Variants in BEND3 observed in about 807,000 individuals in gnomAD.
BEND3 encodes BEN domain containing 3.
A neutral mutation model predicts 60.1 loss-of-function variants in BEND3; 13 were observed. The ratio of observed to expected loss-of-function variants is 0.22; its 90% CI spans 0.14 to 0.34. The LOEUF (loss-of-function observed/expected upper bound fraction) is 0.34, where lower values mean the gene tolerates loss of function less well. Ranked by LOEUF, BEND3 falls within the 10% of genes least tolerant of loss-of-function variation. The pLI, the probability that BEND3 is intolerant of heterozygous loss-of-function variation, is 1.00. For synonymous variants in BEND3, 497 were observed against 491.5 expected (o/e 1.01, Z -0.15); for missense variants, 896 against 1,138.1 (o/e 0.79, Z 3.06).
rs782137364 is a variant in BEND3, at chr6:107,068,968, G to C, written c.2223C>G (p.Ala741=). Residue 741 remains alanine, a synonymous_variant, in exon 4 of 4, where the codon GCC becomes GCG. Transcript: ENST00000369042. The surrounding 1 kb of genome is among the most constrained non-coding windows in gnomAD (Gnocchi z 5.8). ...QQSLSVGNFA[A]RLLVRLFPEL... is the part of the protein sequence containing the mutation. ...CGGGAAACAGGCGGACGAGGAGCCG[G>C]GCGGCAAAGTTGCCCACGGAGAGGC... 3.7e-6 allele frequency: 6 copies of C among 1,613,848 alleles called. No homozygotes were observed. The Admixed American group carries it at 8.3e-5, about 22-fold the overall frequency.
Position 107,088,590 on chromosome 6 carries a change from T to C in BEND3, c.240+9961A>G, listed in dbSNP as rs547122229. Among the ~76,000 whole-genome samples the C allele has an allele frequency of 2.6e-5, 4 of 152,094 alleles. No homozygotes were observed. The East Asian group carries it at 5.8e-4, about 22-fold the overall frequency. The stretch of plus-strand genomic sequence containing the variant: ...GAAAATCAAAGATTAAAAAAAATCC[T>C]GAAAGAAGTAAGGTGGGGAACAAAA... On this transcript the variant is annotated intron_variant, in intron 3 of 3. Coordinates refer to ENST00000369042, the MANE Select transcript of BEND3 (RefSeq NM_001367314.1).
chr6:107,105,401 G>T (rs1554237282), intron 1 of BEND3, among the ~76,000 whole-genome samples: 1 of 151,896 alleles, frequency 6.6e-6, no homozygotes, highest in Non-Finnish European at 1.5e-5. Flanking sequence ...AAAAGAACTG[G>T]GATGGGAGAT....
At position 107,069,676 on chromosome 6, in the gene BEND3, G is replaced by A. The variant is rs782671110; in HGVS notation, c.1515C>T (p.Pro505=). The A allele has an allele frequency of 2.9e-5, 47 of 1,609,572 alleles. No individual in the cohort carries two copies. The Admixed American group carries it at 4.5e-4, about 15-fold the overall frequency. Reference sequence around the variant, plus strand: ...CCACCTTGACCACTGAGATGTCGTCGGGCAGACTGGAGGAGTCGTAGCAGT... The same window carrying A: ...CCACCTTGACCACTGAGATGTCGTCAGGCAGACTGGAGGAGTCGTAGCAGT... The part of the protein sequence containing the change: ...RDDCYDSSSL[P]DDISVVKVED... The change falls in exon 4 of 4, where the codon CCC becomes CCT. Residue 505 remains proline (P), a synonymous_variant. Transcript: ENST00000369042.
intron 1 of BEND3, among the ~76,000 whole-genome samples, chr6:107,106,774 A>T (rs1291373209): frequency 1.3e-5 from 2 of 151,882 alleles, no homozygotes; most frequent in African/African-American, 2.4e-5. Flanking sequence ...ACACCCAGCT[A>T]ATTTTTTATT....
At chr6:107,093,691 G>T (rs1490374855) in intron 3 of BEND3, among the ~76,000 whole-genome samples, 1 of 152,150 alleles carries the variant, frequency 6.6e-6, no homozygotes, top group African/African-American at 2.4e-5. Flanking sequence ...ACATCCACAT[G>T]CAAATATGTC....
At chr6:107,073,266 T>TGAGCAA (rs1775029855) in intron 3 of BEND3, among the ~76,000 whole-genome samples, 1 of 76,764 alleles carries the variant, frequency 1.3e-5, no homozygotes, top group Non-Finnish European at 2.4e-5. Context: ...TATATATATG[T>TGAGCAA]ATGTGAGCAA....
At chr6:107,081,199 C>T (rs988573825) in intron 3 of BEND3, among the ~76,000 whole-genome samples, 5 of 151,218 alleles carry the variant, frequency 3.3e-5, no homozygotes, top group African/African-American at 4.9e-5. Context: ...TGAGTCACAG[C>T]GCCTGGCCTC....
chr6:107,081,986 T>C (rs933345038), intron 3 of BEND3, among the ~76,000 whole-genome samples: 48 of 152,232 alleles, frequency 3.2e-4, no homozygotes, highest in African/African-American at 1.1e-3. Flanking sequence ...ACACAACTTG[T>C]TGGGAGAGCT....
At chr6:107,077,265 C>G (rs1414483475) in intron 3 of BEND3, among the ~76,000 whole-genome samples, 1 of 152,116 alleles carries the variant, frequency 6.6e-6, no homozygotes, top group Non-Finnish European at 1.5e-5. Flanking sequence ...GCCACCACAT[C>G]TGGCCAAAAC....
intron 3 of BEND3, among the ~76,000 whole-genome samples, chr6:107,084,836 C>A (rs1324130330): frequency 6.6e-6 from 1 of 152,166 alleles, no homozygotes; most frequent in Non-Finnish European, 1.5e-5. Flanking sequence ...GTAAAACAGA[C>A]CAATCAGCGC....
rs868936433 is a variant in BEND3, at chr6:107,070,154, T to C, written c.1037A>G (p.Glu346Gly). The C allele has an allele frequency of 1.2e-6, 2 of 1,613,024 alleles. No homozygotes were observed. Among genetic ancestry groups the C allele is most frequent in the East Asian group, 2.2e-5 (1 of 44,878 alleles). The part of the protein sequence containing the change: ...FSRFWAQREM[E>G]DSQPSGQVAS... ...GACCTGGCCGCTGGGCTGGCTGTCCTCCATTTCCCGCTGGGCCCAGAAGCG... is the reference window on the plus strand; with the variant it reads ...GACCTGGCCGCTGGGCTGGCTGTCCCCCATTTCCCGCTGGGCCCAGAAGCG... Residue 346 changes from glutamate (E) to glycine (G), a missense_variant, in exon 4 of 4, where the codon GAG (glutamate) becomes GGG (glycine). Coordinates refer to ENST00000369042, the MANE Select transcript of BEND3 (RefSeq NM_001367314.1). This position sits in a 1 kb window ranked among gnomAD's most constrained non-coding sequence, Gnocchi z 6.9.
intron 1 of BEND3, among the ~76,000 whole-genome samples, chr6:107,114,637 G>A (rs1364967456): frequency 1.3e-5 from 2 of 149,124 alleles, no homozygotes; most frequent in South Asian, 2.1e-4. Flanking sequence ...GAGCGCGAGC[G>A]CCAAGCCGCC....
rs146452368 is a variant in BEND3, at chr6:107,069,629, C to T, written c.1562G>A (p.Arg521Gln). The change falls in exon 4 of 4, where the codon CGG (arginine) becomes CAG (glutamine). Residue 521 changes from arginine to glutamine, a missense_variant. Around this residue, in one of 4 missense-constraint regions of BEND3, gnomAD observed 846 missense variants for 1,036.7 expected, o/e 0.82. Coordinates refer to ENST00000369042, the MANE Select transcript of BEND3 (RefSeq NM_001367314.1). ...VKVEDSFEGE[R>Q]PGRRSKKIWL... ...GATCTTCTTGGAGCGGCGACCCGGC[C>T]GCTCGCCCTCGAAGCTGTCCTCCAC... The T allele has an allele frequency of 1.4e-5, 22 of 1,610,802 alleles. 1 individual carries two copies. The highest frequency in any genetic ancestry group is 2.2e-5 in the South Asian group (2 of 91,096).
intron 3 of BEND3, among the ~76,000 whole-genome samples, chr6:107,089,600 ATT>A (rs200522983): frequency 1.6e-5 from 2 of 126,724 alleles, no homozygotes; most frequent in East Asian, 2.6e-4. Flanking sequence ...AAAAAAAAGG[ATT>A]TTTTTTTTTC....
chr6:107,100,488 C>G (rs902838921), intron 1 of BEND3, among the ~76,000 whole-genome samples: 1 of 151,366 alleles, frequency 6.6e-6, no homozygotes, highest in Non-Finnish European at 1.5e-5. Context: ...AGGATGGTCT[C>G]GATCTCCTGA....
In BEND3 at chr6:107,081,885, G is replaced by A. The variant is rs556114821; in HGVS notation, c.241-10935C>T. 2.6e-5 allele frequency among the ~76,000 whole-genome samples: 4 copies of A among 152,258 alleles called. No individual in the cohort carries two copies. In the South Asian group the frequency reaches 6.2e-4, roughly 24 times the overall value. ...TCCTGTTACAATAAAAATGTGTTGA[G>A]TGAAAGGGTGAAGTGTGACATCATT... On this transcript the variant is annotated intron_variant, in intron 3 of 3. Coordinates refer to ENST00000369042, the MANE Select transcript of BEND3 (RefSeq NM_001367314.1).
chr6:107,095,115 C>T (rs117029872), intron 3 of BEND3, among the ~76,000 whole-genome samples: 1 of 152,146 alleles, frequency 6.6e-6, no homozygotes, highest in African/African-American at 2.4e-5. Context: ...TAAACCACCA[C>T]ACCTAGCTGT....
chr6:107,103,135 C>T (rs373176378), intron 1 of BEND3, among the ~76,000 whole-genome samples: 1 of 152,186 alleles, frequency 6.6e-6, no homozygotes, highest in East Asian at 1.9e-4. Context: ...TGCGTAGAAA[C>T]AGACTCCACC....
intron 3 of BEND3, among the ~76,000 whole-genome samples, chr6:107,073,715 G>A (rs2114999076): frequency 6.6e-6 from 1 of 152,040 alleles, no homozygotes. Context: ...GGGCAACATG[G>A]TGAAACCCCA....
Sources: gnomAD v4.1 joint callset for allele counts (sites outside exome capture counted in the v4.1 genomes callset) on GRCh38, gnomAD v4.1.1 for gene constraint, gnomAD v4.1.1 regional missense constraint, Gnocchi (gnomAD v3.1) non-coding constraint, MANE v1.5 for transcripts, NCBI Gene and HGNC (gene_info 2026-07-23, HGNC 2026-07-21) for gene names.